Variants in PDE9A observed in about 807,000 individuals in gnomAD.
PDE9A encodes the protein phosphodiesterase 9A.
Under a neutral mutation model 87.4 loss-of-function variants are expected in PDE9A, and 60 were observed. The observed-to-expected ratio is 0.69, with a 90% CI of 0.56 to 0.85. PDE9A has a LOEUF of 0.85. Ranked by LOEUF, PDE9A falls within the 40% of genes least tolerant of loss-of-function variation. The pLI, the probability that PDE9A is intolerant of heterozygous loss-of-function variation, is 0.00. For missense variants in PDE9A, 665 were observed against 779.0 expected (o/e 0.85, Z 1.74); for synonymous variants, 272 against 279.4 (o/e 0.97, Z 0.27).
At chr21:42,751,094 C>T (rs2054367189) in intron 8 of PDE9A, 22 bp from the exon 9 acceptor site, 2 of 1,491,934 alleles carry the variant, frequency 1.3e-6, no homozygotes, top group African/African-American at 1.4e-5. Context: ...GACCACAGCT[C>T]ATCTCTGCTC....
Position 42,723,226 on chromosome 21 carries a change from C to T in PDE9A, c.263-8544C>T, listed in dbSNP as rs771755294. ...TCTGCTGCAAACCCATGGCCCAAAG[C>T]GGACCTGATCCGGCAGCATCTAAAA... On this transcript the variant is annotated intron_variant, in intron 4 of 19. Coordinates refer to ENST00000291539, the MANE Select transcript of PDE9A (RefSeq NM_002606.3). This position sits in a 1 kb window ranked among gnomAD's most constrained non-coding sequence, Gnocchi z 4.3. Among the ~76,000 whole-genome samples the T allele has an allele frequency of 3.3e-5, 5 of 152,278 alleles. No individual in the cohort carries two copies. Among genetic ancestry groups the T allele is most frequent in the African/African-American group, 1.2e-4 (5 of 41,478 alleles).
At position 42,772,432 on chromosome 21, in the gene PDE9A, G is replaced by A; in HGVS notation, c.1687-7G>A. 6.2e-7 allele frequency: 1 copy of A among 1,601,742 alleles called. No homozygotes were observed. The highest frequency in any genetic ancestry group is 8.5e-7 in the Non-Finnish European group (1 of 1,172,346). ...CCTGACTTGGCCTTCTCTGTACTCT[G>A]TTCCAGTTACAGAAGAAGACTGACA... is the stretch of plus-strand genomic sequence containing the variant. On this transcript the variant is annotated splice_polypyrimidine_tract_variant and splice_region_variant and intron_variant, in intron 18 of 19. Coordinates refer to ENST00000291539, the MANE Select transcript of PDE9A (RefSeq NM_002606.3).
intron 3 of PDE9A, among the ~76,000 whole-genome samples, chr21:42,688,677 G>A (rs886225655): frequency 3.3e-5 from 5 of 152,208 alleles, no homozygotes; most frequent in African/African-American, 1.2e-4. Flanking sequence ...GGGAGCAGGT[G>A]AGCTGGGGGC....
At chr21:42,726,900 T>C (rs952717286) in intron 4 of PDE9A, among the ~76,000 whole-genome samples, 1 of 151,656 alleles carries the variant, frequency 6.6e-6, no homozygotes, top group Non-Finnish European at 1.5e-5. Flanking sequence ...TTTCTTTCCA[T>C]TGCTCTACCT....
chr21:42,767,837 A>G (rs1024968194), intron 15 of PDE9A, among the ~76,000 whole-genome samples: 5 of 152,174 alleles, frequency 3.3e-5, no homozygotes, highest in African/African-American at 1.2e-4. Context: ...GGCATGCCCA[A>G]CCCTGGCCAA....
chr21:42,708,056 C>T (rs891399303), intron 4 of PDE9A, among the ~76,000 whole-genome samples: 7 of 152,194 alleles, frequency 4.6e-5, no homozygotes, highest in African/African-American at 1.7e-4. Flanking sequence ...GATGTCTGCG[C>T]ATAGACATGT....
At chr21:42,748,651 G>A (rs1265574368) in intron 8 of PDE9A, among the ~76,000 whole-genome samples, 1 of 152,156 alleles carries the variant, frequency 6.6e-6, no homozygotes, top group East Asian at 1.9e-4. Flanking sequence ...GTTTAAACCT[G>A]GACACGAGGC....
intron 4 of PDE9A, among the ~76,000 whole-genome samples, chr21:42,729,576 C>T (rs967864198): frequency 2.0e-5 from 3 of 152,136 alleles, no homozygotes; most frequent in Admixed American, 6.5e-5. Context: ...CCTGGGTGCT[C>T]ATGGTGGGAT....
At chr21:42,706,269 A>T (rs957992195) in intron 4 of PDE9A, among the ~76,000 whole-genome samples, 8 of 152,236 alleles carry the variant, frequency 5.3e-5, no homozygotes, top group African/African-American at 1.9e-4. Flanking sequence ...AAAAGAATAT[A>T]AAAATCTCAG....
chr21:42,744,662 G>A (rs1186108640), intron 8 of PDE9A, among the ~76,000 whole-genome samples: 1 of 152,150 alleles, frequency 6.6e-6, no homozygotes, highest in South Asian at 2.1e-4. Flanking sequence ...GGGGCCCAGT[G>A]AGCTGTGACT....
In PDE9A at chr21:42,696,250, G is replaced by T. The variant is rs186534955; in HGVS notation, c.219-2718G>T. On this transcript the variant is annotated intron_variant, in intron 3 of 19. Coordinates refer to ENST00000291539, the MANE Select transcript of PDE9A (RefSeq NM_002606.3). The surrounding 1 kb of genome is among the most constrained non-coding windows in gnomAD (Gnocchi z 5.1). ...CTGAGTCTCTTGCGTGGGAGAAGTT[G>T]CTGGACACGCCTCTCTGGCTCTGTC... Among the ~76,000 whole-genome samples the T allele has an allele frequency of 6.6e-6, 1 of 152,284 alleles. No individual in the cohort carries two copies. The highest frequency in any genetic ancestry group is 2.4e-5 in the African/African-American group (1 of 41,554).
At chr21:42,656,745 C>A (rs1271398792) in intron 1 of PDE9A, among the ~76,000 whole-genome samples, 1 of 152,286 alleles carries the variant, frequency 6.6e-6, no homozygotes, top group South Asian at 2.1e-4. Flanking sequence ...GGAAGCTGGG[C>A]GTGTGAAGTG....
intron 7 of PDE9A, among the ~76,000 whole-genome samples, chr21:42,736,097 A>G (rs2052386603): frequency 6.6e-6 from 1 of 151,904 alleles, no homozygotes; most frequent in Non-Finnish European, 1.5e-5. Flanking sequence ...TCTCTCCAGC[A>G]CCTGGGTTTT....
At chr21:42,701,342 A>T (rs2048365884) in intron 4 of PDE9A, among the ~76,000 whole-genome samples, 1 of 151,748 alleles carries the variant, frequency 6.6e-6, no homozygotes, top group Admixed American at 6.6e-5. Flanking sequence ...ATTTCCTGTG[A>T]TTCTATAGAT....
intron 15 of PDE9A, among the ~76,000 whole-genome samples, 177 bp from the exon 16 acceptor site, chr21:42,768,011 A>G (rs762320403): frequency 6.6e-5 from 10 of 152,192 alleles, no homozygotes; most frequent in Non-Finnish European, 1.3e-4. Context: ...AGGACCTTGA[A>G]GGTTCATTCT....
At chr21:42,678,864 G>T (rs943875054) in intron 1 of PDE9A, among the ~76,000 whole-genome samples, 1 of 152,216 alleles carries the variant, frequency 6.6e-6, no homozygotes, top group Non-Finnish European at 1.5e-5. Context: ...AGACAGGGCT[G>T]GGGGAGGCAG....
chr21:42,655,232 C>A (rs1297655028), intron 1 of PDE9A, among the ~76,000 whole-genome samples: 6 of 152,226 alleles, frequency 3.9e-5, no homozygotes, highest in African/African-American at 7.2e-5. Flanking sequence ...TGCACACACA[C>A]TTTTTCTGCC....
chr21:42,691,987 T>G (rs545550505), intron 3 of PDE9A, among the ~76,000 whole-genome samples: 2 of 152,308 alleles, frequency 1.3e-5, no homozygotes, highest in East Asian at 3.9e-4. Context: ...TCACCCAACC[T>G]GTCACCATCA....
chr21:42,763,411 AGAG>A (rs1232878204), intron 14 of PDE9A, among the ~76,000 whole-genome samples: 1 of 152,212 alleles, frequency 6.6e-6, no homozygotes, highest in African/African-American at 2.4e-5. Context: ...GCCCAGACAC[AGAG>A]GAGAAGGCCG....
Sources: gnomAD v4.1 joint callset for allele counts (sites outside exome capture counted in the v4.1 genomes callset) on GRCh38, gnomAD v4.1.1 for gene constraint, Gnocchi (gnomAD v3.1) non-coding constraint, MANE v1.5 for transcripts, NCBI Gene and HGNC (gene_info 2026-07-23, HGNC 2026-07-21) for gene names.